The following SPOCK1 variants were observed in gnomAD, a reference collection of about 807,000 sequenced individuals.
The protein encoded by SPOCK1 is SPARC (osteonectin), cwcv and kazal like domains proteoglycan 1.
Under a neutral mutation model 55.3 loss-of-function variants are expected in SPOCK1, and 23 were observed. That is an observed-to-expected ratio of 0.42 (90% CI 0.30 to 0.59). The LOEUF (loss-of-function observed/expected upper bound fraction) is 0.59, where lower values mean the gene tolerates loss of function less well. Among genes scored for constraint, SPOCK1 ranks in the 20% least tolerant of loss-of-function variants. The probability of loss-of-function intolerance (pLI) is 0.22; values close to 1 mark genes in which losing one functional copy is unlikely to be tolerated. For missense variants in SPOCK1, 499 were observed against 552.5 expected, an observed-to-expected ratio of 0.90 and a Z score of 0.97; for synonymous variants, 226 against 221.0, an observed-to-expected ratio of 1.02 and a Z score of -0.20.
intron 3 of SPOCK1, among the ~76,000 whole-genome samples, chr5:137,196,098 C>T (rs1369423874): frequency 6.6e-6 from 1 of 152,188 alleles, no homozygotes; most frequent in African/African-American, 2.4e-5. Flanking sequence ...AGAAGACCCA[C>T]TTTTGCTACC....
intron 6 of SPOCK1, among the ~76,000 whole-genome samples, chr5:137,001,419 G>A (rs1414405565): frequency 2.0e-5 from 3 of 152,220 alleles, no homozygotes; most frequent in South Asian, 2.1e-4. Flanking sequence ...TTCAGAGAAG[G>A]TGGATGATAT....
At chr5:137,437,741 C>T (rs1752894542) in intron 2 of SPOCK1, among the ~76,000 whole-genome samples, 1 of 152,158 alleles carries the variant, frequency 6.6e-6, no homozygotes, top group South Asian at 2.1e-4. Flanking sequence ...ATGCTAGAAA[C>T]ATTCAAATTA....
At chr5:137,422,546 C>A (rs1752522107) in intron 2 of SPOCK1, among the ~76,000 whole-genome samples, 1 of 152,236 alleles carries the variant, frequency 6.6e-6, no homozygotes, top group Non-Finnish European at 1.5e-5. Context: ...GATCTTCCAT[C>A]ACTGATACCC....
intron 2 of SPOCK1, among the ~76,000 whole-genome samples, chr5:137,284,547 G>A (rs78462127): frequency 6.6e-6 from 1 of 152,350 alleles, no homozygotes; most frequent in East Asian, 1.9e-4. Context: ...ACGGAAGGAC[G>A]AGGAAGGTGC....
intron 3 of SPOCK1, among the ~76,000 whole-genome samples, chr5:137,213,158 T>A (rs1009969934): frequency 2.0e-5 from 3 of 152,102 alleles, no homozygotes; most frequent in African/African-American, 4.8e-5. Context: ...AGAAATCAAG[T>A]GAAATCATCC....
At chr5:137,374,672 G>A (rs6596374) in intron 2 of SPOCK1, among the ~76,000 whole-genome samples, 120,748 of 152,138 alleles carry the variant, frequency 0.79, 48,079 homozygotes, top group Middle Eastern at 0.9. Flanking sequence ...TGATGACAGC[G>A]GCGCTCACCA....
At chr5:137,394,995 C>A (rs1365963960) in intron 2 of SPOCK1, among the ~76,000 whole-genome samples, 1 of 152,176 alleles carries the variant, frequency 6.6e-6, no homozygotes, top group African/African-American at 2.4e-5. Flanking sequence ...CCAGCAAGAC[C>A]AAGTTACTTC....
intron 2 of SPOCK1, among the ~76,000 whole-genome samples, chr5:137,457,765 A>T (rs1463267583): frequency 2.6e-5 from 4 of 152,206 alleles, no homozygotes; most frequent in Non-Finnish European, 5.9e-5. Flanking sequence ...CTTTTATTTC[A>T]ACAAGAACAT....
chr5:137,398,048 C>T (rs80062049), intron 2 of SPOCK1, among the ~76,000 whole-genome samples: 1,732 of 152,166 alleles, frequency 0.011, 22 homozygotes, highest in African/African-American at 0.04. Context: ...GGAGAGACTA[C>T]CCAGGACACC....
At chr5:137,161,009 T>G (rs113582487) in intron 3 of SPOCK1, among the ~76,000 whole-genome samples, 55 of 4,572 alleles carry the variant, frequency 0.012, 1 homozygote, top group East Asian at 0.035. Flanking sequence ...AACTGTGAGA[T>G]ATATATATAT....
intron 2 of SPOCK1, among the ~76,000 whole-genome samples, chr5:137,411,323 G>A (rs1313334825): frequency 6.6e-6 from 1 of 152,136 alleles, no homozygotes; most frequent in Non-Finnish European, 1.5e-5. Flanking sequence ...GAGATGAGCA[G>A]TTACAAGCAG....
chr5:137,355,944 C>A (rs532920108), intron 2 of SPOCK1, among the ~76,000 whole-genome samples: 261 of 152,300 alleles, frequency 1.7e-3, no homozygotes, highest in Middle Eastern at 3.4e-3. Flanking sequence ...TGGAGGAGAA[C>A]CCGCTCCTCC....
intron 4 of SPOCK1, 151 bp downstream of exon 4, chr5:137,140,429 A>C: frequency 1.8e-6 from 1 of 546,142 alleles, no homozygotes; most frequent in South Asian, 2.7e-5. Flanking sequence ...TTCCTATCAT[A>C]GTCAGAGTAC....
At chr5:137,439,587 T>C (rs956141352) in intron 2 of SPOCK1, among the ~76,000 whole-genome samples, 2 of 152,190 alleles carry the variant, frequency 1.3e-5, no homozygotes, top group African/African-American at 2.4e-5. Context: ...TTCTCTACCA[T>C]GGCAAAATAC....
At chr5:137,288,157 G>A (rs974926989) in intron 2 of SPOCK1, among the ~76,000 whole-genome samples, 21 of 152,146 alleles carry the variant, frequency 1.4e-4, no homozygotes, top group African/African-American at 4.8e-4. Context: ...CTCAGCTTCT[G>A]TGTGATTTTC....
intron 6 of SPOCK1, among the ~76,000 whole-genome samples, chr5:137,002,908 G>A (rs1751177481): frequency 6.6e-6 from 1 of 152,110 alleles, no homozygotes; most frequent in Non-Finnish European, 1.5e-5. Flanking sequence ...TTTTGTTAAT[G>A]TATGAGCTCA....
chr5:137,185,821 G>A (rs1271180333), intron 3 of SPOCK1, among the ~76,000 whole-genome samples: 1 of 152,128 alleles, frequency 6.6e-6, no homozygotes, highest in Non-Finnish European at 1.5e-5. Flanking sequence ...GATGCAAGCT[G>A]TGTCTCTGCT....
At chr5:137,449,886 C>CAAAAAAAAAAAAAAAAAAAAAAA (rs562723108) in intron 2 of SPOCK1, among the ~76,000 whole-genome samples, 4 of 52,908 alleles carry the variant, frequency 7.6e-5, no homozygotes, top group African/African-American at 3.2e-4. Context: ...GATGCTGTCT[C>CAAAAAAAAAAAAAAAAAAAAAAA]AAAAAAAAAA....
intron 2 of SPOCK1, among the ~76,000 whole-genome samples, chr5:137,433,687 C>A (rs1014737823): frequency 1.3e-5 from 2 of 152,162 alleles, no homozygotes; most frequent in Non-Finnish European, 2.9e-5. Context: ...CTCCCAAAAA[C>A]CTTTATCATG....
Sources: allele counts gnomAD v4.1 joint callset (sites outside exome capture counted in the v4.1 genomes callset), GRCh38; gene constraint gnomAD v4.1.1; transcripts MANE v1.5; gene names NCBI Gene and HGNC (gene_info 2026-07-23, HGNC 2026-07-21).